The following PCCB variants were observed in gnomAD, a reference collection of about 807,000 sequenced individuals.
The protein encoded by PCCB is propionyl-CoA carboxylase beta chain, mitochondrial.
A neutral mutation model predicts 60.7 loss-of-function variants in PCCB; 43 were observed. That is an observed-to-expected ratio of 0.71 (90% CI 0.55 to 0.91). The LOEUF (loss-of-function observed/expected upper bound fraction) is 0.91, where lower values mean the gene tolerates loss of function less well. PCCB is among the 40% of genes least tolerant of loss of function. The pLI, the probability that PCCB is intolerant of heterozygous loss-of-function variation, is 0.00. For missense variants in PCCB, 766 were observed against 702.8 expected (o/e 1.09, Z -1.02); for synonymous variants, 276 against 255.9 (o/e 1.08, Z -0.75).
chr3:136,314,486 C>G (rs1218434315), intron 9 of PCCB, among the ~76,000 whole-genome samples: 1 of 152,016 alleles, frequency 6.6e-6, no homozygotes, highest in African/African-American at 2.4e-5. Context: ...GAAACCCTGT[C>G]TCTACTAAAA....
chr3:136,328,129 C>G (rs1297726945), intron 13 of PCCB, among the ~76,000 whole-genome samples: 1 of 152,192 alleles, frequency 6.6e-6, no homozygotes, highest in Non-Finnish European at 1.5e-5. Flanking sequence ...CTCTTTTAAG[C>G]TCATAAGAAG....
chr3:136,313,872 G>A (rs1037803649), intron 9 of PCCB, among the ~76,000 whole-genome samples: 1 of 152,144 alleles, frequency 6.6e-6, no homozygotes, highest in Non-Finnish European at 1.5e-5. Flanking sequence ...CATTTTGAGG[G>A]TAGTAGCAGC....
chr3:136,307,982 A>G (rs1414989101), intron 9 of PCCB, among the ~76,000 whole-genome samples: 1 of 101,008 alleles, frequency 9.9e-6, no homozygotes, highest in Admixed American at 9.1e-5. Flanking sequence ...TCTCAAAATA[A>G]TAATAATAAT....
intron 10 of PCCB, among the ~76,000 whole-genome samples, chr3:136,317,623 A>AT (rs1221849696): frequency 6.6e-6 from 1 of 152,094 alleles, no homozygotes; most frequent in Admixed American, 6.6e-5. Context: ...AAGGTTTTCA[A>AT]TTTTTTAGGG....
intron 10 of PCCB, among the ~76,000 whole-genome samples, chr3:136,325,736 C>T (rs1047594294): frequency 2.6e-5 from 4 of 151,898 alleles, no homozygotes; most frequent in Admixed American, 2.0e-4. Flanking sequence ...TAGTTTTTTT[C>T]CTTTATTTAA....
At chr3:136,286,758 C>G (rs1933429167) in intron 6 of PCCB, among the ~76,000 whole-genome samples, 1 of 152,136 alleles carries the variant, frequency 6.6e-6, no homozygotes, top group African/African-American at 2.4e-5. Flanking sequence ...TGCTTCTGAA[C>G]CTGGGAGCTG....
chr3:136,284,351 CA>C (rs1448037279), intron 6 of PCCB, among the ~76,000 whole-genome samples: 1 of 152,020 alleles, frequency 6.6e-6, no homozygotes, highest in Admixed American at 6.6e-5. Context: ...CATTTTATTA[CA>C]TTGTGTCCAT....
At chr3:136,259,188 T>G in intron 3 of PCCB, 1 of 1,452,136 alleles carries the variant, frequency 6.9e-7, no homozygotes. Context: ...AATAATAGGC[T>G]GGGCACAGTG....
intron 9 of PCCB, among the ~76,000 whole-genome samples, chr3:136,308,392 T>C (rs1274010485): frequency 6.6e-6 from 1 of 152,048 alleles, no homozygotes; most frequent in Non-Finnish European, 1.5e-5. Flanking sequence ...AAAGCCATAG[T>C]TCACAATGAT....
chr3:136,293,842 C>T lies in PCCB; in HGVS notation c.741C>T (p.Ala247=), dbSNP rs191115697. 5.6e-6 allele frequency: 9 copies of T among 1,600,980 alleles called. No homozygotes were observed. The Admixed American group carries it at 1.2e-4, about 21-fold the overall frequency. The change falls in exon 7 of 15, where the codon GCC becomes GCT. Residue 247 remains alanine, a synonymous_variant. Coordinates refer to ENST00000251654, the MANE Select transcript of PCCB (RefSeq NM_000532.5). ...EDVTQEELGG[A]KTHTTMSGVA... is the part of the protein sequence containing the mutation. Reference sequence around the variant, plus strand: ...TTACCCAGGAGGAGCTCGGTGGTGCCAAGACCCACACCACCATGTCAGGTG... The same window carrying T: ...TTACCCAGGAGGAGCTCGGTGGTGCTAAGACCCACACCACCATGTCAGGTG...
intron 13 of PCCB, among the ~76,000 whole-genome samples, chr3:136,328,132 A>C (rs941296455): frequency 6.6e-6 from 1 of 152,214 alleles, no homozygotes; most frequent in African/African-American, 2.4e-5. Flanking sequence ...TTTTAAGCTC[A>C]TAAGAAGCTA....
chr3:136,325,824 GT>G (rs1464786080), intron 10 of PCCB, among the ~76,000 whole-genome samples: 1 of 151,868 alleles, frequency 6.6e-6, no homozygotes, highest in Non-Finnish European at 1.5e-5. Flanking sequence ...ATGTATTACT[GT>G]TTTTTTGAGA....
At chr3:136,298,415 C>A (rs774188224) in intron 8 of PCCB, among the ~76,000 whole-genome samples, 1 of 151,964 alleles carries the variant, frequency 6.6e-6, no homozygotes, top group Admixed American at 6.6e-5. Context: ...AAGAAGTCTC[C>A]CATTTCCTTT....
rs187152351 is a variant in PCCB, at chr3:136,283,275, T to C, written c.544-562T>C. Among the ~76,000 whole-genome samples the C allele has an allele frequency of 2.0e-3, 311 of 152,262 alleles. 1 individual carries two copies. Among genetic ancestry groups the C allele is most frequent in the Non-Finnish European group, 3.6e-3 (247 of 68,014 alleles). On this transcript the variant is annotated intron_variant, in intron 5 of 14. Transcript: ENST00000251654. ...TTAGTCCTTCACAACACAGTGTCCT[T>C]ATGGAGGCTTTCTGGCTCCTTCTAC...
In PCCB at chr3:136,250,370, G is replaced by A. The variant is rs369284492; in HGVS notation, c.-6G>A. 86 of 1,521,110 alleles carry A rather than the reference G, an allele frequency of 5.7e-5. No individual in the cohort carries two copies. The highest frequency in any genetic ancestry group is 6.3e-5 in the Non-Finnish European group (71 of 1,130,234). 94.2% of individuals were successfully genotyped at this position (1,521,110 alleles called of 1,614,324 possible). On this transcript the variant is annotated 5_prime_UTR_variant, in exon 1 of 15. Coordinates refer to ENST00000251654, the MANE Select transcript of PCCB (RefSeq NM_000532.5). Reference sequence around the variant, plus strand: ...CGCCGGTAGGGGACGCGCCGGCACAGCAAAAATGGCGGCGGCATTACGGGT... The same window carrying A: ...CGCCGGTAGGGGACGCGCCGGCACAACAAAAATGGCGGCGGCATTACGGGT...
chr3:136,316,856 G>A (rs1242439509), intron 9 of PCCB, 85 bp from the exon 10 acceptor site: 1 of 1,491,228 alleles, frequency 6.7e-7, no homozygotes, highest in Non-Finnish European at 9.4e-7. Flanking sequence ...CTGTAATTCT[G>A]TAATAGAAAT....
rs566678143 is a variant in PCCB at position 136,305,470 on chromosome 3, C to T, written c.966+4359C>T. ...GCTTTTTAAAAAAACTTCTTCTGGCCGGGCGTGGTGGCTCATGCCTGTAAT... is the reference window on the plus strand; with the variant it reads ...GCTTTTTAAAAAAACTTCTTCTGGCTGGGCGTGGTGGCTCATGCCTGTAAT... On this transcript the variant is annotated intron_variant, in intron 9 of 14. Coordinates refer to ENST00000251654, the MANE Select transcript of PCCB (RefSeq NM_000532.5). Among the ~76,000 whole-genome samples the T allele has an allele frequency of 2.7e-4, 32 of 120,144 alleles. 7 individuals are homozygous for T. The highest frequency in any genetic ancestry group is 1.6e-3 in the Admixed American group (16 of 9,956). The allele number at this position is 120,144 out of a possible 152,430, so 78.8% of individuals were successfully genotyped here.
intron 5 of PCCB, among the ~76,000 whole-genome samples, chr3:136,279,155 C>A (rs1942408680): frequency 6.6e-6 from 1 of 152,108 alleles, no homozygotes; most frequent in Non-Finnish European, 1.5e-5. Context: ...TTTTTTCCAT[C>A]CTTTAGTTTA....
rs1189355322 is a variant in PCCB, at chr3:136,326,884, T to G, written c.1172T>G (p.Phe391Cys). The G allele has an allele frequency of 1.2e-6, 2 of 1,611,672 alleles. No homozygotes were observed. Among genetic ancestry groups the G allele is most frequent in the East Asian group, 4.5e-5 (2 of 44,876 alleles). Reference sequence around the variant, plus strand: ...GCATTCAATATTCCACTCATCACTTTTGTTGATGTCCCTGGCTTTCTACCT... The same window carrying G: ...GCATTCAATATTCCACTCATCACTTGTGTTGATGTCCCTGGCTTTCTACCT... ...CDAFNIPLIT[F>C]VDVPGFLPGT... is the part of the protein sequence containing the mutation. The change falls in exon 11 of 15, where the codon TTT (phenylalanine) becomes TGT (cysteine). Residue 391 changes from phenylalanine to cysteine, a missense_variant. Coordinates refer to ENST00000251654, the MANE Select transcript of PCCB (RefSeq NM_000532.5).
Sources: allele counts gnomAD v4.1 joint callset (sites outside exome capture counted in the v4.1 genomes callset), GRCh38; gene constraint gnomAD v4.1.1; transcripts MANE v1.5; gene names NCBI Gene and HGNC (gene_info 2026-07-23, HGNC 2026-07-21).